The following NFIL3 variants were observed in gnomAD, a reference collection of about 807,000 sequenced individuals.
NFIL3 encodes nuclear factor, interleukin 3 regulated, also known as nuclear factor interleukin-3-regulated protein.
In NFIL3, 5 loss-of-function variants were observed where a neutral mutation model predicts 10.0. That is an observed-to-expected ratio of 0.50 (90% CI 0.26 to 1.06). The LOEUF (loss-of-function observed/expected upper bound fraction) is 1.06, where lower values mean the gene tolerates loss of function less well. NFIL3 is among the 50% of genes least tolerant of loss of function. The pLI is 0.13. For missense variants in NFIL3, 436 were observed against 547.6 expected (o/e 0.80, Z 2.03); for synonymous variants, 202 against 206.5 (o/e 0.98, Z 0.19).
intron 1 of NFIL3, among the ~76,000 whole-genome samples, chr9:91,422,432 C>A (rs1460369757): frequency 6.7e-6 from 1 of 149,526 alleles, no homozygotes; most frequent in Non-Finnish European, 1.5e-5. Flanking sequence ...CATGCTTACC[C>A]GGTTGTCTAC....
At chr9:91,421,007 G>A (rs1418945403) in intron 1 of NFIL3, among the ~76,000 whole-genome samples, 1 of 152,124 alleles carries the variant, frequency 6.6e-6, no homozygotes, top group Non-Finnish European at 1.5e-5. Context: ...TTCTGTGGCC[G>A]GTGGACGTTT....
At chr9:91,429,544 C>A in the NFIL3 span, among the ~76,000 whole-genome samples, 2 of 152,062 alleles carry the variant, frequency 1.3e-5, no homozygotes, top group African/African-American at 4.8e-5. Context: ...ACTCCAGAGA[C>A]AAAAGTTGTC....
chr9:91,409,473 C>T lies in NFIL3; in HGVS notation c.1262G>A (p.Ser421Asn). The T allele has an allele frequency of 6.2e-7, 1 of 1,614,182 alleles. No individual in the cohort carries two copies. ...CTCTGGGTCAGAAACTTTGTAGCCA[C>T]TGTCTTTCATTTCAACAACTCCAGT... ...FKTGVVEMKDSGYKVSDPENL... is the reference protein window; with the variant it reads ...FKTGVVEMKDNGYKVSDPENL... Residue 421 changes from serine to asparagine, a missense_variant, in exon 2 of 2, where the codon AGT becomes AAT. Around this residue, in one of 3 missense-constraint regions of NFIL3, gnomAD observed 338 missense variants for 399.9 expected, o/e 0.85. Transcript: ENST00000297689.
the NFIL3 span, among the ~76,000 whole-genome samples, chr9:91,437,969 C>T: frequency 6.6e-6 from 1 of 152,260 alleles, no homozygotes; most frequent in East Asian, 1.9e-4. Flanking sequence ...GCAGTAAACA[C>T]GGGCGTGCAC....
the NFIL3 span, among the ~76,000 whole-genome samples, chr9:91,463,421 TAA>T: frequency 6.6e-6 from 1 of 151,526 alleles, no homozygotes; most frequent in Non-Finnish European, 1.5e-5. Context: ...TTTTATTAAA[TAA>T]GATATTTATT....
At chr9:91,465,663 T>C in the NFIL3 span, among the ~76,000 whole-genome samples, 2 of 152,054 alleles carry the variant, frequency 1.3e-5, no homozygotes, top group South Asian at 2.1e-4. Flanking sequence ...CCTTTTAGCA[T>C]GCCTTTAAAT....
At chr9:91,425,192 G>C (rs1833857670), upstream of NFIL3, among the ~76,000 whole-genome samples, 1 of 152,146 alleles carries the variant, frequency 6.6e-6, no homozygotes. Context: ...ACTTCTTTTT[G>C]CTCCTTTCGT....
upstream of NFIL3, among the ~76,000 whole-genome samples, chr9:91,426,614 C>T (rs1057198359): frequency 8.6e-5 from 13 of 151,960 alleles, no homozygotes; most frequent in Admixed American, 4.6e-4. Flanking sequence ...GGAGGAGGTG[C>T]CTGGACAGGG....
chr9:91,420,865 G>T (rs1041977559), intron 1 of NFIL3, among the ~76,000 whole-genome samples: 1 of 152,090 alleles, frequency 6.6e-6, no homozygotes, highest in African/African-American at 2.4e-5. Flanking sequence ...CTGGAGATCA[G>T]TGTTCTCTCT....
the NFIL3 span, among the ~76,000 whole-genome samples, chr9:91,456,100 A>G: frequency 6.6e-6 from 1 of 152,220 alleles, no homozygotes; most frequent in Non-Finnish European, 1.5e-5. Flanking sequence ...TGTTGTATAT[A>G]TCAATCGTTT....
the NFIL3 span, among the ~76,000 whole-genome samples, chr9:91,438,420 G>A: frequency 2.0e-5 from 3 of 152,008 alleles, no homozygotes; most frequent in Admixed American, 6.6e-5. Flanking sequence ...CCCCTTATCA[G>A]ATACAGGGTA....
the NFIL3 span, among the ~76,000 whole-genome samples, chr9:91,438,667 T>C: frequency 6.6e-6 from 1 of 152,142 alleles, no homozygotes; most frequent in Non-Finnish European, 1.5e-5. Context: ...ATCTTATCCA[T>C]TTTGAGTTGC....
At chr9:91,414,839 C>T (rs1412974271) in intron 1 of NFIL3, among the ~76,000 whole-genome samples, 1 of 152,114 alleles carries the variant, frequency 6.6e-6, no homozygotes, top group Non-Finnish European at 1.5e-5. Context: ...AACTACACTG[C>T]GAATTACTTC....
chr9:91,450,361 C>T, the NFIL3 span, among the ~76,000 whole-genome samples: 1 of 152,122 alleles, frequency 6.6e-6, no homozygotes, highest in Non-Finnish European at 1.5e-5. Context: ...TCCCTCTGAA[C>T]TCTGTCTTTC....
At chr9:91,416,521 T>C (rs1380635948) in intron 1 of NFIL3, among the ~76,000 whole-genome samples, 1 of 152,220 alleles carries the variant, frequency 6.6e-6, no homozygotes, top group Admixed American at 6.5e-5. Flanking sequence ...AGTCATTGCT[T>C]AAGTTTCTTT....
the NFIL3 span, among the ~76,000 whole-genome samples, chr9:91,436,576 T>TCAACAA: frequency 6.3e-3 from 875 of 138,710 alleles, 3 homozygotes; most frequent in Middle Eastern, 0.022. Context: ...AGACTCTGCC[T>TCAACAA]CAACAACAAC....
intron 1 of NFIL3, 64 bp downstream of exon 1, chr9:91,423,576 C>T (rs1833814334): frequency 6.7e-6 from 1 of 148,152 alleles, no homozygotes; most frequent in Non-Finnish European, 1.5e-5. Context: ...GCCCGCCCGC[C>T]CGCCCGCAGC....
the NFIL3 span, among the ~76,000 whole-genome samples, chr9:91,442,179 C>T: frequency 6.6e-6 from 1 of 152,070 alleles, no homozygotes. Context: ...GACTTTATTT[C>T]TCCTTCATTT....
intron 1 of NFIL3, among the ~76,000 whole-genome samples, chr9:91,413,129 T>C (rs1180281065): frequency 1.3e-5 from 2 of 152,200 alleles, no homozygotes; most frequent in East Asian, 1.9e-4. Context: ...ATTATTAATA[T>C]CAAGTTTCTG....
Sources: gnomAD v4.1 joint callset for allele counts (sites outside exome capture counted in the v4.1 genomes callset) on GRCh38, gnomAD v4.1.1 for gene constraint, gnomAD v4.1.1 regional missense constraint, MANE v1.5 for transcripts, NCBI Gene and HGNC (gene_info 2026-07-23, HGNC 2026-07-21) for gene names.